AHRR: variants seen among roughly 807,000 people sequenced by gnomAD.
AHRR encodes ahR repressor.
A neutral mutation model predicts 44.0 loss-of-function variants in AHRR; 28 were observed. That is an observed-to-expected ratio of 0.64 (90% CI 0.47 to 0.87). The LOEUF (loss-of-function observed/expected upper bound fraction) is 0.87, where lower values mean the gene tolerates loss of function less well. Among genes scored for constraint, AHRR ranks in the 40% least tolerant of loss-of-function variants. The pLI is 0.00. For synonymous variants in AHRR, 434 were observed against 407.0 expected (o/e 1.07, Z -0.80); for missense variants, 990 against 953.9 (o/e 1.04, Z -0.50).
intron 7 of AHRR, among the ~76,000 whole-genome samples, chr5:425,153 C>T (rs952128013): frequency 2.0e-5 from 3 of 152,242 alleles, no homozygotes; most frequent in African/African-American, 4.8e-5. Flanking sequence ...TGGGTGCAGA[C>T]GGTCCCCATG....
At chr5:421,312 C>T (rs753438638) in intron 5 of AHRR, 5 of 696,836 alleles carry the variant, frequency 7.2e-6, no homozygotes, top group African/African-American at 5.4e-5. Flanking sequence ...GGTGCCCCCA[C>T]GGTCGCGATG....
intron 7 of AHRR, among the ~76,000 whole-genome samples, 157 bp downstream of exon 7, chr5:424,134 TG>T (rs1363949070): frequency 6.8e-6 from 1 of 146,038 alleles, no homozygotes; most frequent in Non-Finnish European, 1.5e-5. Flanking sequence ...TACCCTGTGA[TG>T]GTGTGGGGGT....
chr5:389,145 G>C (rs1734296757), intron 4 of AHRR, among the ~76,000 whole-genome samples: 1 of 150,156 alleles, frequency 6.7e-6, no homozygotes, highest in Admixed American at 6.6e-5. Flanking sequence ...TGCTGACGAT[G>C]CCCTGGCGGA....
At chr5:343,197 C>T (rs1451337536) in intron 1 of AHRR, among the ~76,000 whole-genome samples, 1 of 151,940 alleles carries the variant, frequency 6.6e-6, no homozygotes, top group African/African-American at 2.4e-5. Flanking sequence ...GAACATGGGA[C>T]CTGAGTACCC....
rs114934199 is a variant in AHRR at position 402,252 on chromosome 5, C to T, written c.352-11092C>T. Among the ~76,000 whole-genome samples the T allele has an allele frequency of 1.9e-3, 292 of 152,348 alleles. 1 individual carries two copies. The highest frequency in any genetic ancestry group is 6.7e-3 in the African/African-American group (280 of 41,568). ...ATGGAAACCGTCAGCGAGCTCCTCT[C>T]ACACCATCAGGACAGCTGTTTCAAA... On this transcript the variant is annotated intron_variant, in intron 4 of 10. Transcript: ENST00000684583.
At chr5:325,806 G>A (rs1741685426) in intron 1 of AHRR, among the ~76,000 whole-genome samples, 1 of 151,978 alleles carries the variant, frequency 6.6e-6, no homozygotes, top group African/African-American at 2.4e-5. Context: ...TTTTGAGATG[G>A]AGTCCAGCTC....
At chr5:378,239 C>G (rs1409992209) in intron 4 of AHRR, among the ~76,000 whole-genome samples, 1 of 152,198 alleles carries the variant, frequency 6.6e-6, no homozygotes, top group African/African-American at 2.4e-5. Flanking sequence ...TCTTCAATCT[C>G]TTCACAATAA....
At chr5:343,688 C>T in intron 1 of AHRR, 2 of 533,796 alleles carry the variant, frequency 3.7e-6, no homozygotes, top group Non-Finnish European at 3.2e-6. Flanking sequence ...CCAGGCGTGA[C>T]CCGGCCCCGG....
intron 3 of AHRR, 116 bp from the exon 4 acceptor site, chr5:376,494 A>G: frequency 2.2e-5 from 1 of 45,058 alleles, no homozygotes; most frequent in Non-Finnish European, 5.5e-5. Flanking sequence ...AGCCCAGGCC[A>G]GATGTCAGGT....
At chr5:418,292 C>T (rs1735916129) in intron 5 of AHRR, among the ~76,000 whole-genome samples, 2 of 152,198 alleles carry the variant, frequency 1.3e-5, no homozygotes, top group Non-Finnish European at 2.9e-5. Flanking sequence ...TTTCTCCCAC[C>T]ATGTCTCTTG....
intron 5 of AHRR, chr5:418,610 C>G (rs57433159): frequency 6.6e-6 from 1 of 152,120 alleles, no homozygotes; most frequent in Non-Finnish European, 1.5e-5. Flanking sequence ...TCAGGGAGGG[C>G]ACTTGGGGTG....
chr5:372,611 G>A (rs556706261), intron 3 of AHRR, among the ~76,000 whole-genome samples: 41 of 152,284 alleles, frequency 2.7e-4, no homozygotes, highest in African/African-American at 9.1e-4. Flanking sequence ...GGGCTGGGGT[G>A]CGTGATCTCC....
intron 3 of AHRR, among the ~76,000 whole-genome samples, chr5:354,412 C>T (rs138527766): frequency 1.3e-3 from 194 of 152,242 alleles, no homozygotes; most frequent in African/African-American, 4.3e-3. Flanking sequence ...CCCCTGCCCA[C>T]GCCAGGCCGT....
chr5:353,909 A>G lies in AHRR; in HGVS notation c.242A>G (p.Gln81Arg), dbSNP rs1742951921. ...VSYLRVKSFF[Q>R]VVQEQSSRQP... ...TACCTCCGGGTGAAGAGCTTCTTCC[A>G]AGGTAGGACTCTCACCTGCTCCCAC... Residue 81 changes from glutamine to arginine, a missense_variant and splice_region_variant, in exon 3 of 11, where the codon CAA becomes CGA. By Grantham distance (43) the Gln-to-Arg change is conservative. Coordinates refer to ENST00000684583, the MANE Select transcript of AHRR (RefSeq NM_001377236.1). 6.2e-7 allele frequency: 1 copy of G among 1,612,364 alleles called. No homozygotes were observed.
intron 3 of AHRR, among the ~76,000 whole-genome samples, chr5:366,878 C>T (rs1743377548): frequency 6.6e-6 from 1 of 151,430 alleles, no homozygotes; most frequent in Admixed American, 6.6e-5. Context: ...CTCCAAAAAA[C>T]CCAGCAGGCC....
intron 4 of AHRR, among the ~76,000 whole-genome samples, chr5:386,846 G>A (rs972902307): frequency 1.3e-5 from 2 of 151,862 alleles, no homozygotes; most frequent in African/African-American, 4.8e-5. Context: ...TTTCACCTGT[G>A]CCCTGAGGCT....
intron 1 of AHRR, among the ~76,000 whole-genome samples, chr5:330,667 G>A (rs539083769): frequency 1.4e-4 from 22 of 151,990 alleles, no homozygotes; most frequent in Admixed American, 2.6e-4. Context: ...ACTGTGCGCC[G>A]CGGAGGATTT....
At position 436,866 on chromosome 5, in the gene AHRR, A is replaced by C. The variant is rs35342079; in HGVS notation, c.*2032A>C. On this transcript the variant is annotated 3_prime_UTR_variant, in exon 11 of 11. Coordinates refer to ENST00000684583, the MANE Select transcript of AHRR (RefSeq NM_001377236.1). ...ACCAGGCACCTGAGGACTGGCGCCT[A>C]CTTCCCACTTTGGCCCTACACTGGC... The C allele has an allele frequency of 1.3e-5, 2 of 152,220 alleles. No homozygotes were observed. The highest frequency in any genetic ancestry group is 2.9e-5 in the Non-Finnish European group (2 of 68,032). The allele number at this position is 152,220 out of a possible 1,614,324, so 9.4% of individuals were successfully genotyped here.
At chr5:375,390 C>T (rs543440988) in intron 3 of AHRR, among the ~76,000 whole-genome samples, 2 of 152,270 alleles carry the variant, frequency 1.3e-5, no homozygotes, top group South Asian at 4.1e-4. Context: ...AAGCTCGGCC[C>T]AGTGGGGAGT....
Sources: gnomAD v4.1 joint callset for allele counts (sites outside exome capture counted in the v4.1 genomes callset) on GRCh38, gnomAD v4.1.1 for gene constraint, MANE v1.5 for transcripts, NCBI Gene and HGNC (gene_info 2026-07-23, HGNC 2026-07-21) for gene names.